Variants in CHST11 observed in about 807,000 individuals in gnomAD.
CHST11 encodes the protein carbohydrate sulfotransferase 11.
Under a neutral mutation model 30.4 loss-of-function variants are expected in CHST11, and 9 were observed. The observed-to-expected ratio is 0.30, with a 90% CI of 0.18 to 0.52. The LOEUF is 0.52. Ranked by LOEUF, CHST11 falls within the 20% of genes least tolerant of loss-of-function variation. The probability of loss-of-function intolerance (pLI) is 0.97; values close to 1 mark genes in which losing one functional copy is unlikely to be tolerated. For missense variants in CHST11, 348 were observed against 460.6 expected, an observed-to-expected ratio of 0.76 and a Z score of 2.24; for synonymous variants, 152 against 187.8, an observed-to-expected ratio of 0.81 and a Z score of 1.56.
intron 1 of CHST11, among the ~76,000 whole-genome samples, chr12:104,535,380 T>C (rs192675139): frequency 2.6e-4 from 39 of 152,320 alleles, no homozygotes; most frequent in Non-Finnish European, 4.7e-4. Context: ...CCTCATGGGC[T>C]GCCATGCACT....
chr12:104,460,663 C>CA (rs10570106), intron 1 of CHST11, among the ~76,000 whole-genome samples: 38 of 124,464 alleles, frequency 3.1e-4, no homozygotes, highest in South Asian at 5.3e-4. Flanking sequence ...AACTGTGTCT[C>CA]AAAAAAAAAA....
chr12:104,696,557 A>G (rs1257139945), intron 2 of CHST11, among the ~76,000 whole-genome samples: 1 of 150,888 alleles, frequency 6.6e-6, no homozygotes, highest in East Asian at 1.9e-4. Flanking sequence ...TCCCAGCTAC[A>G]TGGGAGGCTG....
chr12:104,503,710 G>A (rs1015574434), intron 1 of CHST11, among the ~76,000 whole-genome samples: 1 of 152,120 alleles, frequency 6.6e-6, no homozygotes, highest in Non-Finnish European at 1.5e-5. Context: ...TGATTATGAT[G>A]GTGCTTCCTG....
chr12:104,474,918 C>G (rs1447926196), intron 1 of CHST11, among the ~76,000 whole-genome samples: 1 of 152,172 alleles, frequency 6.6e-6, no homozygotes, highest in Non-Finnish European at 1.5e-5. Context: ...CCAGTAAACC[C>G]CACCCCCATC....
intron 2 of CHST11, among the ~76,000 whole-genome samples, chr12:104,688,624 C>T (rs956393601): frequency 6.6e-6 from 1 of 152,152 alleles, no homozygotes; most frequent in Non-Finnish European, 1.5e-5. Flanking sequence ...AGATAATCTT[C>T]AGAAATATGT....
At chr12:104,504,567 G>A (rs894694551) in intron 1 of CHST11, among the ~76,000 whole-genome samples, 6 of 152,184 alleles carry the variant, frequency 3.9e-5, no homozygotes, top group African/African-American at 1.2e-4. Context: ...GGCACAAGAG[G>A]TCAAATCCTA....
chr12:104,468,786 G>T (rs1006422566), intron 1 of CHST11, among the ~76,000 whole-genome samples: 7 of 152,116 alleles, frequency 4.6e-5, no homozygotes, highest in African/African-American at 1.7e-4. Flanking sequence ...AGTGAAAGTC[G>T]CAGACAAGAG....
intron 1 of CHST11, among the ~76,000 whole-genome samples, chr12:104,480,524 G>A (rs1384578296): frequency 6.7e-6 from 1 of 149,270 alleles, no homozygotes; most frequent in East Asian, 2.0e-4. Flanking sequence ...GTTGCAGTGA[G>A]CTGAGATCGT....
chr12:104,513,139 T>TGGGGGGGGGGGGGGGGG (rs1565969846), intron 1 of CHST11, among the ~76,000 whole-genome samples: 2 of 2,928 alleles, frequency 6.8e-4, no homozygotes, highest in Non-Finnish European at 6.7e-4. Flanking sequence ...GGGGGGGGGT[T>TGGGGGGGGGGGGGGGGG]GGGGGTGGGG....
chr12:104,664,247 T>G (rs559889494), intron 2 of CHST11, among the ~76,000 whole-genome samples: 1 of 152,182 alleles, frequency 6.6e-6, no homozygotes, highest in African/African-American at 2.4e-5. Context: ...GGAACATTTT[T>G]AAAAAGCTGT....
intron 1 of CHST11, among the ~76,000 whole-genome samples, chr12:104,473,478 G>A (rs192965470): frequency 2.2e-3 from 333 of 152,248 alleles, no homozygotes; most frequent in African/African-American, 7.6e-3. Flanking sequence ...GGTGTATCCG[G>A]GTCAGGCTGC....
intron 1 of CHST11, among the ~76,000 whole-genome samples, chr12:104,478,890 A>G (rs1034472327): frequency 6.6e-6 from 1 of 152,178 alleles, no homozygotes; most frequent in Admixed American, 6.5e-5. Context: ...GGTTCTTAAC[A>G]CATAGTGGGA....
At chr12:104,636,083 C>G (rs2039320596) in intron 2 of CHST11, among the ~76,000 whole-genome samples, 1 of 152,186 alleles carries the variant, frequency 6.6e-6, no homozygotes, top group African/African-American at 2.4e-5. Flanking sequence ...ATGATCACCC[C>G]CATTTTACAG....
At chr12:104,536,041 T>G (rs2038234137) in intron 1 of CHST11, among the ~76,000 whole-genome samples, 1 of 152,200 alleles carries the variant, frequency 6.6e-6, no homozygotes, top group African/African-American at 2.4e-5. Context: ...AGGGTGAGAC[T>G]GTAATTTGAT....
At chr12:104,628,402 A>G (rs1398104352) in intron 2 of CHST11, among the ~76,000 whole-genome samples, 1 of 152,170 alleles carries the variant, frequency 6.6e-6, no homozygotes, top group Non-Finnish European at 1.5e-5. Context: ...AAAGATTTCT[A>G]TTTTAAGCTG....
chr12:104,693,208 T>C (rs2039914226), intron 2 of CHST11, among the ~76,000 whole-genome samples: 2 of 152,328 alleles, frequency 1.3e-5, no homozygotes, highest in Admixed American at 1.3e-4. Flanking sequence ...TCTTTCCAAA[T>C]CTTATCTCCA....
chr12:104,562,346 A>G (rs1445420766), intron 1 of CHST11, among the ~76,000 whole-genome samples: 4 of 152,254 alleles, frequency 2.6e-5, no homozygotes, highest in Non-Finnish European at 4.4e-5. Context: ...TAGACTTCCT[A>G]CTGCCTTTGA....
intron 2 of CHST11, among the ~76,000 whole-genome samples, chr12:104,748,319 C>A (rs140931715): frequency 2.0e-5 from 3 of 152,158 alleles, no homozygotes; most frequent in East Asian, 1.9e-4. Flanking sequence ...CCTAGTCCAG[C>A]GGCATCAGCA....
At chr12:104,580,906 T>G (rs1305263833) in intron 1 of CHST11, among the ~76,000 whole-genome samples, 1 of 152,212 alleles carries the variant, frequency 6.6e-6, no homozygotes, top group African/African-American at 2.4e-5. Context: ...TTTTCATATT[T>G]CTTATAATTG....
Sources: gnomAD v4.1 joint callset for allele counts (sites outside exome capture counted in the v4.1 genomes callset) on GRCh38, gnomAD v4.1.1 for gene constraint, MANE v1.5 for transcripts, NCBI Gene and HGNC (gene_info 2026-07-23, HGNC 2026-07-21) for gene names.